ANK2: variants seen among roughly 807,000 people sequenced by gnomAD.
ANK2 encodes the protein ankyrin-2.
Under a neutral mutation model 360.5 loss-of-function variants are expected in ANK2, and 83 were observed. The observed-to-expected ratio is 0.23, with a 90% CI of 0.19 to 0.28. ANK2 has a LOEUF of 0.28. Ranked by LOEUF, ANK2 falls within the 10% of genes least tolerant of loss-of-function variation. The pLI is 1.00. For missense variants in ANK2, 4,201 were observed against 4,795.7 expected (o/e 0.88, Z 3.66); for synonymous variants, 1,740 against 1,759.5 (o/e 0.99, Z 0.28).
At chr4:112,822,361 T>A (rs1250042156) in intron 1 of ANK2, among the ~76,000 whole-genome samples, 1 of 145,198 alleles carries the variant, frequency 6.9e-6, no homozygotes, top group Non-Finnish European at 1.5e-5. Flanking sequence ...GAGGTTGCAG[T>A]GAGCCAAGAT....
the ANK2 span, among the ~76,000 whole-genome samples, chr4:112,757,051 C>G: frequency 6.6e-6 from 1 of 151,786 alleles, no homozygotes; most frequent in Non-Finnish European, 1.5e-5. Context: ...ATTGTTCTTA[C>G]ATCACCCTGT....
the ANK2 span, among the ~76,000 whole-genome samples, chr4:112,733,331 C>A: frequency 6.6e-6 from 1 of 152,092 alleles, no homozygotes; most frequent in African/African-American, 2.4e-5. Context: ...ATATTAAGTG[C>A]CTCTCACATG....
At chr4:113,150,354 C>T (rs1374755359) in intron 1 of ANK2, among the ~76,000 whole-genome samples, 22 of 152,134 alleles carry the variant, frequency 1.4e-4, no homozygotes, top group Non-Finnish European at 2.6e-4. Flanking sequence ...GTGCTGTGGC[C>T]AGTGTCCATT....
chr4:112,754,148 T>TATATAA, the ANK2 span, among the ~76,000 whole-genome samples: 23 of 119,728 alleles, frequency 1.9e-4, no homozygotes, highest in African/African-American at 6.5e-4. Context: ...TATATATATA[T>TATATAA]AAAATTGCAT....
rs190142104 is a variant in ANK2 at position 113,370,653 on chromosome 4, C to G, written c.11610+848C>G. Reference sequence around the variant, plus strand: ...CGAGTGCCTGTAGTCCCAGCTACTCCGGAGGCTGAGGCAGGAGAATGGCAT... The same window carrying G: ...CGAGTGCCTGTAGTCCCAGCTACTCGGGAGGCTGAGGCAGGAGAATGGCAT... On this transcript the variant is annotated intron_variant, in intron 43 of 45. Coordinates refer to ENST00000357077, the MANE Select transcript of ANK2 (RefSeq NM_001148.6). Among the ~76,000 whole-genome samples, 815 of 151,902 alleles carry G rather than the reference C, an allele frequency of 5.4e-3. 25 individuals carry two copies. Among genetic ancestry groups the G allele is most frequent in the East Asian group, 0.012 (60 of 5,160 alleles).
intron 41 of ANK2, among the ~76,000 whole-genome samples, chr4:113,365,978 G>T (rs766031568): frequency 4.6e-5 from 7 of 151,958 alleles, no homozygotes; most frequent in Middle Eastern, 3.2e-3. Context: ...CTCAATCAGG[G>T]ACTCCATTCC....
At chr4:112,768,376 C>T in the ANK2 span, among the ~76,000 whole-genome samples, 3,549 of 152,124 alleles carry the variant, frequency 0.023, 119 homozygotes, top group African/African-American at 0.08. Flanking sequence ...ATCTCAGCCT[C>T]CCAAGTAGCT....
At chr4:113,219,587 C>T (rs1376316076) in intron 4 of ANK2, among the ~76,000 whole-genome samples, 1 of 152,038 alleles carries the variant, frequency 6.6e-6, no homozygotes, top group Non-Finnish European at 1.5e-5. Flanking sequence ...TTTAAAATCT[C>T]ATCACTTGCA....
intron 2 of ANK2, among the ~76,000 whole-genome samples, chr4:112,995,703 C>G (rs1561459291): frequency 6.6e-6 from 1 of 152,126 alleles, no homozygotes; most frequent in Non-Finnish European, 1.5e-5. Context: ...AGGTTTTCTT[C>G]TGGGATTTTT....
chr4:113,239,431 G>A (rs758524606), intron 7 of ANK2, among the ~76,000 whole-genome samples: 37 of 152,072 alleles, frequency 2.4e-4, no homozygotes, highest in Non-Finnish European at 5.1e-4. Context: ...AGTAAACATC[G>A]TAGTTCATTT....
chr4:113,302,871 T>C (rs1253932594), intron 23 of ANK2, 32 bp downstream of exon 23: 4 of 1,573,030 alleles, frequency 2.5e-6, no homozygotes, highest in East Asian at 4.5e-5. Context: ...CTATGACACC[T>C]GTCATGTTCT....
At chr4:112,922,959 A>G (rs528149216) in intron 2 of ANK2, among the ~76,000 whole-genome samples, 13 of 152,312 alleles carry the variant, frequency 8.5e-5, no homozygotes, top group African/African-American at 3.1e-4. Flanking sequence ...AAAAGATAAT[A>G]TCTTACATAA....
rs778853785 is a variant in ANK2, at chr4:113,354,007, G to A, written c.5389G>A (p.Val1797Met). 8.7e-6 allele frequency: 14 copies of A among 1,613,916 alleles called. No homozygotes were observed. Among genetic ancestry groups the A allele is most frequent in the Middle Eastern group, 1.6e-4 (1 of 6,080 alleles). The stretch of plus-strand genomic sequence containing the variant: ...CATCAGAGTCAAAGGCAAGGAGGAC[G>A]TGCCAAAAAAGACCACCCACAGGCC... ...LPIRVKGKED[V>M]PKKTTHRPHP... The change falls in exon 38 of 46, where the codon GTG (valine) becomes ATG (methionine). Residue 1797 changes from valine (V) to methionine (M), a missense_variant. Val to Met is a conservative substitution (Grantham distance 21, BLOSUM62 1). This residue lies in a region of ANK2 where 2,642 missense variants were observed against 2,714.5 expected (regional missense o/e 0.97). Coordinates refer to ENST00000357077, the MANE Select transcript of ANK2 (RefSeq NM_001148.6).
At chr4:113,138,114 T>C in intron 1 of ANK2, among the ~76,000 whole-genome samples, 1 of 152,306 alleles carries the variant, frequency 6.6e-6, no homozygotes, top group South Asian at 2.1e-4. Context: ...ATATGAAGGA[T>C]CATAAATAAT....
chr4:113,315,438 A>T (rs939389096), intron 24 of ANK2, among the ~76,000 whole-genome samples: 3 of 152,184 alleles, frequency 2.0e-5, no homozygotes, highest in Non-Finnish European at 2.9e-5. Flanking sequence ...GTTTGTTCTC[A>T]TTCAAGCTAA....
chr4:113,097,879 C>CATATATATAT lies in ANK2; in HGVS notation c.84+48068_84+48069insTATATATATA, dbSNP rs1355191650. ...GTGTGTGTGTGTGTATATATATGCACACACACACACACGCACACACACATA... is the reference window on the plus strand; with the variant it reads ...GTGTGTGTGTGTGTATATATATGCACATATATATATACACACACACACGCACACACACATA... On this transcript the variant is annotated intron_variant, in intron 1 of 45. Transcript: ENST00000357077. 2.6e-4 allele frequency among the ~76,000 whole-genome samples: 15 copies of CATATATATAT among 57,876 alleles called. 1 individual carries two copies. Among genetic ancestry groups the CATATATATAT allele is most frequent in the African/African-American group, 1.2e-3 (10 of 8,556 alleles). 38.0% of individuals were successfully genotyped at this position (57,876 alleles called of 152,430 possible).
intron 45 of ANK2, chr4:113,374,990 G>A: frequency 5.0e-6 from 5 of 1,007,976 alleles, no homozygotes; most frequent in Non-Finnish European, 6.1e-6. Context: ...TGTGTTTTAT[G>A]TTGCTTTGCA....
At chr4:113,290,963 G>C (rs186032449) in intron 20 of ANK2, among the ~76,000 whole-genome samples, 1 of 152,308 alleles carries the variant, frequency 6.6e-6, no homozygotes, top group East Asian at 1.9e-4. Flanking sequence ...TCAGGTAAAG[G>C]TTAGATTAAA....
chr4:113,094,193 T>A (rs978842551), intron 1 of ANK2, among the ~76,000 whole-genome samples: 2 of 152,250 alleles, frequency 1.3e-5, no homozygotes, highest in African/African-American at 4.8e-5. Context: ...ATTTTTCTGC[T>A]TATTTTAATA....
Sources: allele counts gnomAD v4.1 joint callset (sites outside exome capture counted in the v4.1 genomes callset), GRCh38; gene constraint gnomAD v4.1.1; regional missense constraint gnomAD v4.1.1; transcripts MANE v1.5; gene names NCBI Gene and HGNC (gene_info 2026-07-23, HGNC 2026-07-21).